The following ZMIZ2 variants were observed in gnomAD, a reference collection of about 807,000 sequenced individuals.
The protein encoded by ZMIZ2 is zinc finger MIZ-type containing 2.
Under a neutral mutation model 93.9 loss-of-function variants are expected in ZMIZ2, and 26 were observed. The ratio of observed to expected loss-of-function variants is 0.28; its 90% CI spans 0.20 to 0.38. The LOEUF is 0.38. ZMIZ2 is among the 10% of genes least tolerant of loss of function. The pLI is 1.00. For synonymous variants in ZMIZ2, 485 were observed against 516.4 expected (o/e 0.94, Z 0.82); for missense variants, 1,023 against 1,235.0 (o/e 0.83, Z 2.57).
chr7:44,765,396 C>T lies in ZMIZ2; in HGVS notation c.2059C>T (p.Pro687Ser), dbSNP rs546578542. The T allele has an allele frequency of 2.5e-5, 41 of 1,613,168 alleles. No homozygotes were observed. In the South Asian group the frequency reaches 4.5e-4, roughly 18 times the overall value. The stretch of plus-strand genomic sequence containing the variant: ...CAGCTGGAAGCCAGTGCCCGTGAAG[C>T]CTGACATGCACATCAAGGAGGAGCC... ...TCSWKPVPVK[P>S]DMHIKEEPDG... is the part of the protein sequence containing the mutation. The change falls in exon 16 of 19, where the codon CCT becomes TCT. Residue 687 changes from proline to serine, a missense_variant. Around this residue, in one of 3 missense-constraint regions of ZMIZ2, gnomAD observed 319 missense variants for 358.8 expected, o/e 0.89. Transcript: ENST00000309315. The surrounding 1 kb of genome is among the most constrained non-coding windows in gnomAD (Gnocchi z 4.1).
At chr7:44,757,593 C>T in intron 5 of ZMIZ2, 32 bp downstream of exon 5, 1 of 1,560,002 alleles carries the variant, frequency 6.4e-7, no homozygotes, top group South Asian at 1.2e-5. Flanking sequence ...TCCCACATGG[C>T]AGCCAGCCTG....
At chr7:44,751,941 G>A (rs1790185170) in intron 1 of ZMIZ2, among the ~76,000 whole-genome samples, 2 of 151,342 alleles carry the variant, frequency 1.3e-5, no homozygotes, top group South Asian at 4.2e-4. Flanking sequence ...CAGCCTCGGT[G>A]AAAGAGCAAG....
Position 44,765,254 on chromosome 7 carries a change from C to T in ZMIZ2, c.1998-81C>T, listed in dbSNP as rs1791585760. The T allele has an allele frequency of 6.3e-7, 1 of 1,579,770 alleles. No individual in the cohort carries two copies. Among genetic ancestry groups the T allele is most frequent in the Admixed American group, 1.7e-5 (1 of 58,524 alleles). On this transcript the variant is annotated intron_variant, in intron 15 of 18. Coordinates refer to ENST00000309315, the MANE Select transcript of ZMIZ2 (RefSeq NM_031449.4). This position sits in a 1 kb window ranked among gnomAD's most constrained non-coding sequence, Gnocchi z 4.1. ...TTGAGTGGGGGAACCTGCCTGGAAA[C>T]AGCCCAGGGCTGGGAGGGGCAGTGG...
intron 5 of ZMIZ2, 38 bp from the exon 6 acceptor site, chr7:44,757,810 G>C: frequency 6.6e-7 from 1 of 1,516,680 alleles, no homozygotes; most frequent in Non-Finnish European, 8.8e-7. Flanking sequence ...GCCCTTTGTG[G>C]GTGGGACCTG....
In ZMIZ2 at chr7:44,766,613, G is replaced by C. The variant is rs1297007466; in HGVS notation, c.2605G>C (p.Gly869Arg). 1 of 1,613,378 alleles carries C rather than the reference G, an allele frequency of 6.2e-7. No individual in the cohort carries two copies. Among genetic ancestry groups the C allele is most frequent in the East Asian group, 2.2e-5 (1 of 44,870 alleles). Residue 869 changes from glycine (G) to arginine (R), a missense_variant, in exon 18 of 19, where the codon GGG (glycine) becomes CGG (arginine). By Grantham distance (125) the Gly-to-Arg change is moderately radical. Coordinates refer to ENST00000309315, the MANE Select transcript of ZMIZ2 (RefSeq NM_031449.4). This position sits in a 1 kb window ranked among gnomAD's most constrained non-coding sequence, Gnocchi z 4.4. Reference sequence around the variant, plus strand: ...CTTCAGTCCTGCCACAGGCGTGATGGGGCCCCCCAGCATGTCTGGAGCCGG... The same window carrying C: ...CTTCAGTCCTGCCACAGGCGTGATGCGGCCCCCCAGCATGTCTGGAGCCGG... The part of the protein sequence containing the change: ...LAFSPATGVM[G>R]PPSMSGAGEA...
Position 44,763,143 on chromosome 7 carries a change from C to T in ZMIZ2, c.1703-113C>T. ...GGGGCAGTGGTTAGTTCCAGGTGGCCCCTCAGAGCTGTCAGTGGGTCAGTG... is the reference window on the plus strand; with the variant it reads ...GGGGCAGTGGTTAGTTCCAGGTGGCTCCTCAGAGCTGTCAGTGGGTCAGTG... On this transcript the variant is annotated intron_variant, in intron 12 of 18. Transcript: ENST00000309315. This position sits in a 1 kb window ranked among gnomAD's most constrained non-coding sequence, Gnocchi z 5.6. The T allele has an allele frequency of 6.0e-6, 9 of 1,505,192 alleles. 1 individual carries two copies. The South Asian group carries it at 1.1e-4, about 19-fold the overall frequency. 93.2% of individuals were successfully genotyped at this position (1,505,192 alleles called of 1,614,324 possible).
At chr7:44,749,204 C>T (rs1206505804) in intron 1 of ZMIZ2, among the ~76,000 whole-genome samples, 2 of 152,156 alleles carry the variant, frequency 1.3e-5, no homozygotes, top group Admixed American at 6.5e-5. Context: ...CCTGCCGGCA[C>T]CTGCCACGCG....
Position 44,755,411 on chromosome 7 carries a change from T to G in ZMIZ2, c.-62-777T>G, listed in dbSNP as rs115867652. Among the ~76,000 whole-genome samples the G allele has an allele frequency of 5.3e-3, 808 of 152,258 alleles. 5 individuals carry two copies. Among genetic ancestry groups the G allele is most frequent in the African/African-American group, 0.018 (766 of 41,532 alleles). ...TGCCTGCCTGGCCCCTAGGACCATA[T>G]CAGCCTCGGGCAGCCCCCACTTGGT... On this transcript the variant is annotated intron_variant, in intron 1 of 18. Transcript: ENST00000309315.
At chr7:44,764,583 T>C (rs919380131) in intron 14 of ZMIZ2, 97 bp downstream of exon 14, 1 of 1,376,294 alleles carries the variant, frequency 7.3e-7, no homozygotes, top group Non-Finnish European at 1.0e-6. Flanking sequence ...GATACGAGCC[T>C]GCTGGGAGGA....
Position 44,758,006 on chromosome 7 carries a change from G to T in ZMIZ2, c.711G>T (p.Met237Ile). ...LAMNPTRAAG[M>I]TPLYAGQRLP... ...TGAACCCCACCCGGGCAGCAGGAATGACACCCTTGTATGCAGGGCAGCGTC... is the reference window on the plus strand; with the variant it reads ...TGAACCCCACCCGGGCAGCAGGAATTACACCCTTGTATGCAGGGCAGCGTC... The change falls in exon 6 of 19, where the codon ATG (methionine) becomes ATT (isoleucine). Residue 237 changes from methionine to isoleucine, a missense_variant. This residue lies in a region of ZMIZ2 where 656 missense variants were observed against 777.1 expected (regional missense o/e 0.84). Coordinates refer to ENST00000309315, the MANE Select transcript of ZMIZ2 (RefSeq NM_031449.4). 4 of 1,612,450 alleles carry T rather than the reference G, an allele frequency of 2.5e-6. No homozygotes were observed. The highest frequency in any genetic ancestry group is 3.4e-6 in the Non-Finnish European group (4 of 1,179,372).
At chr7:44,749,347 G>A (rs1160935912) in intron 1 of ZMIZ2, among the ~76,000 whole-genome samples, 2 of 152,136 alleles carry the variant, frequency 1.3e-5, no homozygotes, top group African/African-American at 2.4e-5. Context: ...AGGCTGGCCG[G>A]GCCTTCGCTC....
chr7:44,761,400 C>A lies in ZMIZ2; in HGVS notation c.1241-49C>A. ...GCTGCCCTCCTTGAGTGACACAAGA[C>A]GCTCTGGCTGGGGCAACCCAGCTCA... On this transcript the variant is annotated intron_variant, in intron 9 of 18. Transcript: ENST00000309315. This position sits in a 1 kb window ranked among gnomAD's most constrained non-coding sequence, Gnocchi z 5.8. 6.3e-7 allele frequency: 1 copy of A among 1,594,814 alleles called. No homozygotes were observed. Among genetic ancestry groups the A allele is most frequent in the Admixed American group, 1.7e-5 (1 of 58,988 alleles).
rs373327781 is a variant in ZMIZ2 at position 44,760,270 on chromosome 7, G to C, written c.1071+42G>C. On this transcript the variant is annotated intron_variant, in intron 8 of 18. Transcript: ENST00000309315. ...GGAGGATGGGCCGGGAGGCTCACAG[G>C]GTGGGCATATGGAGAGAGGGCGACC... 4.3e-5 allele frequency: 68 copies of C among 1,594,754 alleles called. No homozygotes were observed. In the Middle Eastern group the frequency reaches 7.1e-4, roughly 17 times the overall value.
intron 3 of ZMIZ2, 21 bp downstream of exon 3, chr7:44,756,560 CA>C: frequency 6.2e-7 from 1 of 1,612,158 alleles, no homozygotes; most frequent in Non-Finnish European, 8.5e-7. Flanking sequence ...ACTGGTGCCC[CA>C]CCCCCGAGCA....
intron 9 of ZMIZ2, among the ~76,000 whole-genome samples, 199 bp downstream of exon 9, chr7:44,760,792 G>C (rs934085236): frequency 6.6e-6 from 1 of 150,482 alleles, no homozygotes; most frequent in Admixed American, 6.6e-5. Flanking sequence ...CAAGGTTACC[G>C]TGAGTGTGAT....
At chr7:44,760,953 A>G (rs1023735869) in intron 9 of ZMIZ2, among the ~76,000 whole-genome samples, 1 of 151,856 alleles carries the variant, frequency 6.6e-6, no homozygotes, top group South Asian at 2.1e-4. Flanking sequence ...TTTGCAAAGG[A>G]GGCTGTGGCT....
chr7:44,751,586 G>A (rs550701717), intron 1 of ZMIZ2, among the ~76,000 whole-genome samples: 57 of 152,362 alleles, frequency 3.7e-4, no homozygotes, highest in African/African-American at 1.3e-3. Flanking sequence ...GCTTTCTAGT[G>A]GGGAAAGATT....
In ZMIZ2 at chr7:44,765,760, G is replaced by A. The variant is rs1791649292; in HGVS notation, c.2242+181G>A. On this transcript the variant is annotated intron_variant, in intron 16 of 18. Transcript: ENST00000309315. The surrounding 1 kb of genome is among the most constrained non-coding windows in gnomAD (Gnocchi z 4.1). Reference sequence around the variant, plus strand: ...CCCCTCCCATCTCAGGGACGTGGCGGTGAAGGCACAGTCTCAGCTATGGTC... The same window carrying A: ...CCCCTCCCATCTCAGGGACGTGGCGATGAAGGCACAGTCTCAGCTATGGTC... 1.9e-6 allele frequency: 2 copies of A among 1,072,802 alleles called. No homozygotes were observed. Among genetic ancestry groups the A allele is most frequent in the Non-Finnish European group, 2.6e-6 (2 of 767,666 alleles). 66.5% of individuals were successfully genotyped at this position (1,072,802 alleles called of 1,614,324 possible). A position where few individuals can be genotyped will look rare whatever the true frequency, so the allele number is the denominator to read the frequency against.
At chr7:44,758,189 C>A in intron 6 of ZMIZ2, 81 bp downstream of exon 6, 1 of 1,436,804 alleles carries the variant, frequency 7.0e-7, no homozygotes, top group Non-Finnish European at 9.1e-7. Flanking sequence ...TGGTAAAGAG[C>A]AGGCTTCTGG....
Sources: gnomAD v4.1 joint callset for allele counts (sites outside exome capture counted in the v4.1 genomes callset) on GRCh38, gnomAD v4.1.1 for gene constraint, gnomAD v4.1.1 regional missense constraint, Gnocchi (gnomAD v3.1) non-coding constraint, MANE v1.5 for transcripts, NCBI Gene and HGNC (gene_info 2026-07-23, HGNC 2026-07-21) for gene names.